CDH26: variants seen among roughly 807,000 people sequenced by gnomAD.
CDH26 encodes cadherin-like protein 26.
CDH26 carries 83 observed loss-of-function variants against 90.3 expected under a neutral mutation model. The observed-to-expected ratio is 0.92, with a 90% CI of 0.77 to 1.10. The LOEUF (loss-of-function observed/expected upper bound fraction) is 1.10. Ranked by LOEUF, CDH26 falls within the 50% of genes least tolerant of loss-of-function variation. CDH26 has a pLI of 0.00. For synonymous variants in CDH26, 397 were observed against 396.3 expected (o/e 1.00, Z -0.02); for missense variants, 1,013 against 1,037.6 (o/e 0.98, Z 0.33).
downstream of CDH26, among the ~76,000 whole-genome samples, chr20:60,018,702 C>CTTTTTTTTTTTTTTTTTTTT (rs55994712): frequency 5.8e-3 from 103 of 17,814 alleles, 14 homozygotes; most frequent in Non-Finnish European, 7.7e-3. Flanking sequence ...CTCTTACTGC[C>CTTTTTTTTTTTTTTTTTTTT]TTTTTTTTTT....
At chr20:59,991,884 T>A (rs2061531971) in intron 9 of CDH26, among the ~76,000 whole-genome samples, 1 of 152,048 alleles carries the variant, frequency 6.6e-6, no homozygotes, top group African/African-American at 2.4e-5. Flanking sequence ...CTTACAGTGG[T>A]GTCAGGTTCA....
intron 13 of CDH26, 34 bp from the exon 14 acceptor site, chr20:59,999,552 G>T: frequency 6.4e-7 from 1 of 1,563,344 alleles, no homozygotes; most frequent in Non-Finnish European, 8.8e-7. Flanking sequence ...TGTGATTTCA[G>T]CCCTTGTCAT....
intron 9 of CDH26, among the ~76,000 whole-genome samples, chr20:59,990,572 G>T (rs1255919391): frequency 2.6e-5 from 4 of 152,180 alleles, no homozygotes; most frequent in Non-Finnish European, 5.9e-5. Context: ...ATTCATTATG[G>T]AGTGATAAGT....
At chr20:59,969,688 G>A (rs2061228014) in intron 2 of CDH26, among the ~76,000 whole-genome samples, 1 of 152,178 alleles carries the variant, frequency 6.6e-6, no homozygotes, top group Admixed American at 6.6e-5. Context: ...GGCATTAAAG[G>A]TCTGTCAGCA....
intron 4 of CDH26, among the ~76,000 whole-genome samples, chr20:59,974,001 A>G (rs1255479314): frequency 4.6e-5 from 7 of 152,034 alleles, no homozygotes; most frequent in Non-Finnish European, 8.8e-5. Context: ...AGTAATTTAC[A>G]CTCCCACCAA....
intron 3 of CDH26, among the ~76,000 whole-genome samples, chr20:59,970,809 A>AAAATAAAT (rs34187396): frequency 0.012 from 1,697 of 144,064 alleles, 17 homozygotes; most frequent in East Asian, 0.034. Context: ...CTCTGTCTCA[A>AAAATAAAT]AAATAAATAA....
chr20:59,982,878 C>G, intron 4 of CDH26, 45 bp from the exon 5 acceptor site: 1 of 1,597,746 alleles, frequency 6.3e-7, no homozygotes, highest in Non-Finnish European at 8.6e-7. Context: ...AGAGTGTCAT[C>G]GAGTAAATGG....
chr20:60,024,644 T>TG (rs1243321361), intron 7 of CDH26, among the ~76,000 whole-genome samples: 3 of 152,178 alleles, frequency 2.0e-5, no homozygotes, highest in Non-Finnish European at 4.4e-5. Flanking sequence ...ATGTATCTCT[T>TG]GGGGGCAAGA....
intron 5 of CDH26, among the ~76,000 whole-genome samples, chr20:59,984,137 A>G (rs2061426061): frequency 6.6e-6 from 1 of 152,174 alleles, no homozygotes; most frequent in Non-Finnish European, 1.5e-5. Context: ...CAGTCCACGA[A>G]GATGCTTGGT....
chr20:59,960,698 A>G (rs1000477240), intron 1 of CDH26, among the ~76,000 whole-genome samples: 3 of 152,054 alleles, frequency 2.0e-5, no homozygotes, highest in African/African-American at 7.2e-5. Context: ...TCCTTTGAAA[A>G]CCTTTATCTC....
intron 1 of CDH26, among the ~76,000 whole-genome samples, chr20:59,964,438 G>A (rs2061119529): frequency 2.0e-5 from 3 of 149,424 alleles, no homozygotes; most frequent in African/African-American, 7.4e-5. Flanking sequence ...AGAACCCCCC[G>A]CCCCCGACCC....
chr20:60,001,651 A>C (rs904694094), intron 15 of CDH26: 1 of 974,880 alleles, frequency 1.0e-6, no homozygotes, highest in Admixed American at 6.2e-5. Flanking sequence ...ATCAAATATG[A>C]CACTTTTTAG....
intron 6 of CDH26, 38 bp downstream of exon 6, chr20:59,984,843 G>A (rs1260272316): frequency 3.8e-6 from 6 of 1,588,192 alleles, no homozygotes; most frequent in Non-Finnish European, 5.1e-6. Context: ...AATGAAATGT[G>A]TGGCCCATCC....
Position 60,012,685 on chromosome 20 carries a change from G to A in CDH26, c.2454G>A (p.Ala818=), listed in dbSNP as rs141182679. 3.8e-5 allele frequency: 62 copies of A among 1,613,812 alleles called. No individual in the cohort carries two copies. Among genetic ancestry groups the A allele is most frequent in the African/African-American group, 3.1e-4 (23 of 74,844 alleles). ...PDLLDSLGSK[A]TPFEEIYSES... ...TGCTGGACTCTTTGGGTTCAAAAGC[G>A]ACTCCGTTTGAGGAAATATATTCAG... The change falls in exon 18 of 18, where the codon GCG becomes GCA. Residue 818 remains alanine (A), a synonymous_variant. Transcript: ENST00000348616.
intron 13 of CDH26, among the ~76,000 whole-genome samples, chr20:59,997,086 C>T (rs1052281057): frequency 2.6e-5 from 4 of 152,282 alleles, no homozygotes; most frequent in East Asian, 1.9e-4. Flanking sequence ...CAGCCTACAA[C>T]GCACAAGACA....
chr20:59,987,701 A>G (rs1249302550), intron 8 of CDH26, 63 bp downstream of exon 8: 1 of 1,407,060 alleles, frequency 7.1e-7, no homozygotes, highest in Non-Finnish European at 9.7e-7. Context: ...CTTCTGTAGG[A>G]TCACTCACAA....
chr20:59,982,879 G>A (rs774720796), intron 4 of CDH26, 44 bp from the exon 5 acceptor site: 7 of 1,600,716 alleles, frequency 4.4e-6, no homozygotes, highest in South Asian at 1.1e-5. Context: ...GAGTGTCATC[G>A]AGTAAATGGT....
At chr20:60,017,631 C>A (rs2061916803), downstream of CDH26, among the ~76,000 whole-genome samples, 1 of 151,460 alleles carries the variant, frequency 6.6e-6, no homozygotes, top group African/African-American at 2.4e-5. Flanking sequence ...TTTATTATTT[C>A]TTTCCTTCTA....
chr20:60,014,253 C>T lies in CDH26; in HGVS notation c.*1523C>T, dbSNP rs902106389. ...ACAGTGATCAGATCAGGGTGGTTAA[C>T]GTAATCATTGGCTCAAACATTTTTC... On this transcript the variant is annotated 3_prime_UTR_variant, in exon 18 of 18. Coordinates refer to ENST00000348616, the MANE Select transcript of CDH26 (RefSeq NM_177980.4). 3.9e-5 allele frequency: 6 copies of T among 152,180 alleles called. No homozygotes were observed. Among genetic ancestry groups the T allele is most frequent in the Non-Finnish European group, 8.8e-5 (6 of 68,014 alleles). The allele number at this position is 152,180 out of a possible 1,614,324, so 9.4% of individuals were successfully genotyped here.
Sources: allele counts gnomAD v4.1 joint callset (sites outside exome capture counted in the v4.1 genomes callset), GRCh38; gene constraint gnomAD v4.1.1; transcripts MANE v1.5; gene names NCBI Gene and HGNC (gene_info 2026-07-23, HGNC 2026-07-21).